Variants in LIX1 observed in about 807,000 individuals in gnomAD.
LIX1 encodes protein limb expression 1 homolog.
LIX1 carries 24 observed loss-of-function variants against 33.4 expected under a neutral mutation model. That is an observed-to-expected ratio of 0.72 (90% CI 0.52 to 1.01). The LOEUF (loss-of-function observed/expected upper bound fraction) is 1.01, where lower values mean the gene tolerates loss of function less well. LIX1 is among the 50% of genes least tolerant of loss of function. LIX1 has a pLI of 0.00. For missense variants in LIX1, 311 were observed against 339.2 expected, an observed-to-expected ratio of 0.92 and a Z score of 0.65; for synonymous variants, 124 against 124.0, an observed-to-expected ratio of 1.00 and a Z score of 0.00.
intron 1 of LIX1, chr5:97,137,218 C>A: frequency 2.5e-6 from 1 of 401,566 alleles, no homozygotes; most frequent in South Asian, 1.9e-5. Context: ...GCAACCACCA[C>A]CAAAGACCTC....
chr5:97,137,064 C>A, intron 1 of LIX1: 1 of 432,894 alleles, frequency 2.3e-6, no homozygotes, highest in Middle Eastern at 3.3e-4. Context: ...ATCAGTAAAA[C>A]CGTGTCATTT....
At chr5:97,095,165 T>G in intron 5 of LIX1, 130 bp from the exon 6 acceptor site, 1 of 926,600 alleles carries the variant, frequency 1.1e-6, no homozygotes, top group Non-Finnish European at 1.6e-6. Flanking sequence ...GTTCAAAAAC[T>G]GAAACCAAAA....
intron 5 of LIX1, among the ~76,000 whole-genome samples, chr5:97,096,594 C>A (rs1194400366): frequency 6.6e-6 from 1 of 152,202 alleles, no homozygotes; most frequent in African/African-American, 2.4e-5. Context: ...GTATCTAAAT[C>A]AGTCCTGTGC....
At chr5:97,118,702 T>G (rs1323137391) in intron 2 of LIX1, among the ~76,000 whole-genome samples, 1 of 152,170 alleles carries the variant, frequency 6.6e-6, no homozygotes, top group East Asian at 1.9e-4. Context: ...AAAAAAAAAT[T>G]TTTAATCAGT....
At chr5:97,136,164 T>C (rs985681762) in intron 1 of LIX1, among the ~76,000 whole-genome samples, 1 of 152,230 alleles carries the variant, frequency 6.6e-6, no homozygotes, top group Non-Finnish European at 1.5e-5. Flanking sequence ...TAAGCCATTG[T>C]GCCAACATGG....
rs1396737195 is a variant in LIX1 at position 97,127,250 on chromosome 5, G to A, written c.83-2621C>T. 2.0e-5 allele frequency among the ~76,000 whole-genome samples: 3 copies of A among 152,168 alleles called. No individual in the cohort carries two copies. In the South Asian group the frequency reaches 6.2e-4, roughly 32 times the overall value. On this transcript the variant is annotated intron_variant, in intron 1 of 5. Transcript: ENST00000274382. ...CTGAGAAGTGGAGGAGGAAGTTGAG[G>A]ACCCATGATAGTCTAGGTAAAATGC... is the stretch of plus-strand genomic sequence containing the variant.
At chr5:97,119,368 C>T (rs891404127) in intron 2 of LIX1, among the ~76,000 whole-genome samples, 2 of 152,158 alleles carry the variant, frequency 1.3e-5, no homozygotes, top group Non-Finnish European at 2.9e-5. Context: ...CTGGCAAAAA[C>T]ATGATGAAAT....
rs139944472 is a variant in LIX1 at position 97,132,169 on chromosome 5, G to A, written c.83-7540C>T. ...TGCAATGTGGCATTGGCATGTCTAT[G>A]TGCTGACCCTGACCTTGATGCTATG... On this transcript the variant is annotated intron_variant, in intron 1 of 5. Transcript: ENST00000274382. Among the ~76,000 whole-genome samples the A allele has an allele frequency of 4.8e-3, 727 of 152,324 alleles. 5 individuals carry two copies. The highest frequency in any genetic ancestry group is 5.6e-3 in the Non-Finnish European group (378 of 68,030).
intron 2 of LIX1, among the ~76,000 whole-genome samples, chr5:97,118,267 G>A (rs1012952422): frequency 2.6e-5 from 4 of 152,184 alleles, no homozygotes; most frequent in African/African-American, 9.7e-5. Flanking sequence ...AGAATGAAAT[G>A]CATTAATTCA....
chr5:97,134,168 G>A (rs1234778551), intron 1 of LIX1, among the ~76,000 whole-genome samples: 10 of 152,198 alleles, frequency 6.6e-5, no homozygotes, highest in Admixed American at 6.5e-4. Context: ...TCGCCCAGCT[G>A]GTGTGTAATG....
chr5:97,116,123 C>T (rs1036547666), intron 2 of LIX1, among the ~76,000 whole-genome samples: 17 of 152,116 alleles, frequency 1.1e-4, no homozygotes, highest in African/African-American at 3.9e-4. Context: ...ACCAACACCT[C>T]GGTTTCATCC....
intron 2 of LIX1, among the ~76,000 whole-genome samples, chr5:97,114,324 C>T (rs1411779429): frequency 6.6e-6 from 1 of 152,132 alleles, no homozygotes; most frequent in Non-Finnish European, 1.5e-5. Context: ...TGTAGCAAGA[C>T]CTGGTCTGTA....
chr5:97,142,501 T>C lies in LIX1; in HGVS notation c.76A>G (p.Lys26Glu). The change falls in exon 1 of 6, where the codon AAA (lysine) becomes GAA (glutamate). Residue 26 changes from lysine (K) to glutamate (E), a missense_variant. Lys to Glu is a moderately conservative substitution (Grantham distance 56, BLOSUM62 1). Transcript: ENST00000274382. ...TTCCCCCTTCAGTACTTACAGTCTT[T>C]GAAGACTAGAGCCGGATCTCTGTGA... ...LPHRDPALVF[K>E]DLNVVSMLQE... is the part of the protein sequence containing the mutation. The C allele has an allele frequency of 6.2e-7, 1 of 1,613,094 alleles. No individual in the cohort carries two copies. The highest frequency in any genetic ancestry group is 8.5e-7 in the Non-Finnish European group (1 of 1,179,026).
chr5:97,142,426 T>C, intron 1 of LIX1, 69 bp downstream of exon 1: 5 of 1,047,436 alleles, frequency 4.8e-6, no homozygotes, highest in Non-Finnish European at 7.4e-6. Context: ...CTTACTTAAA[T>C]AGGATGTGAC....
chr5:97,118,062 A>G (rs1180095502), intron 2 of LIX1, among the ~76,000 whole-genome samples: 2 of 152,220 alleles, frequency 1.3e-5, no homozygotes, highest in African/African-American at 2.4e-5. Context: ...CTGGGAAGCC[A>G]TTTTAACAAC....
chr5:97,094,951 C>A lies in LIX1; in HGVS notation c.646G>T (p.Asp216Tyr). ...TCTTGAGAGACAATTCCTGGTGAGT[C>A]CCGCTCCTTCATGATCCAGTCCAGG... ...MALDWIMKER[D>Y]SPGIVSQELR... is the part of the protein sequence containing the mutation. Residue 216 changes from aspartate (D) to tyrosine (Y), a missense_variant, in exon 6 of 6, where the codon GAC becomes TAC. By Grantham distance (160) the Asp-to-Tyr change is radical. Transcript: ENST00000274382. The A allele has an allele frequency of 6.2e-7, 1 of 1,614,134 alleles. No homozygotes were observed. Among genetic ancestry groups the A allele is most frequent in the Non-Finnish European group, 8.5e-7 (1 of 1,180,012 alleles).
At chr5:97,106,547 G>A (rs1209908787) in intron 3 of LIX1, among the ~76,000 whole-genome samples, 2 of 152,188 alleles carry the variant, frequency 1.3e-5, no homozygotes, top group Non-Finnish European at 2.9e-5. Flanking sequence ...AACCAGAGGT[G>A]GCTAATCCCT....
At chr5:97,141,727 C>T (rs996720487) in intron 1 of LIX1, among the ~76,000 whole-genome samples, 6 of 152,096 alleles carry the variant, frequency 3.9e-5, no homozygotes, top group Non-Finnish European at 7.4e-5. Context: ...AATATGAAAC[C>T]CACTGTAGAT....
chr5:97,122,163 G>A (rs141811621), intron 2 of LIX1, among the ~76,000 whole-genome samples: 6 of 152,234 alleles, frequency 3.9e-5, no homozygotes, highest in African/African-American at 4.8e-5. Context: ...ACTACTGTTC[G>A]GAGTGGGGAA....
Sources: allele counts gnomAD v4.1 joint callset (sites outside exome capture counted in the v4.1 genomes callset), GRCh38; gene constraint gnomAD v4.1.1; transcripts MANE v1.5; gene names NCBI Gene and HGNC (gene_info 2026-07-23, HGNC 2026-07-21).